CHST13: variants seen among roughly 807,000 people sequenced by gnomAD.
The protein encoded by CHST13 is C4ST-3.
Under a neutral mutation model 7.0 loss-of-function variants are expected in CHST13, and 1 was observed. The ratio of observed to expected loss-of-function variants is 0.14; its 90% confidence interval spans 0.05 to 0.68. CHST13 has a LOEUF of 0.68. Ranked by LOEUF, CHST13 falls within the 30% of genes least tolerant of loss-of-function variation. The pLI, the probability that CHST13 is intolerant of heterozygous loss-of-function variation, is 0.82. For missense variants in CHST13, 572 were observed against 507.9 expected (o/e 1.13, Z -1.21); for synonymous variants, 257 against 240.9 (o/e 1.07, Z -0.62).
intron 1 of CHST13, chr3:126,529,309 T>G: frequency 7.8e-7 from 1 of 1,288,036 alleles, no homozygotes; most frequent in South Asian, 1.2e-5. Flanking sequence ...CTTGAGCAGC[T>G]CTCTCTGCTC....
intron 1 of CHST13, 129 bp downstream of exon 1, chr3:126,524,558 C>A (rs986222462): frequency 3.3e-5 from 12 of 361,874 alleles, no homozygotes; most frequent in Non-Finnish European, 4.4e-5. Flanking sequence ...CTAGGGGTGG[C>A]GGGCAGGGGC....
chr3:126,541,551 C>T (rs1323646062), intron 2 of CHST13, among the ~76,000 whole-genome samples, 182 bp from the exon 3 acceptor site: 1 of 152,206 alleles, frequency 6.6e-6, no homozygotes, highest in Non-Finnish European at 1.5e-5. Flanking sequence ...AAATCTCGGC[C>T]CAGGACAGAT....
intron 1 of CHST13, among the ~76,000 whole-genome samples, chr3:126,532,155 T>C (rs1180268215): frequency 6.6e-6 from 1 of 152,250 alleles, no homozygotes; most frequent in Admixed American, 6.5e-5. Context: ...CCATACGTTG[T>C]GGGTACTAGT....
chr3:126,532,749 A>G (rs1936684164), intron 1 of CHST13, among the ~76,000 whole-genome samples: 1 of 152,188 alleles, frequency 6.6e-6, no homozygotes, highest in African/African-American at 2.4e-5. Context: ...GATATTCTGA[A>G]TCCCTTCACT....
intron 1 of CHST13, among the ~76,000 whole-genome samples, chr3:126,525,064 C>A (rs1462605846): frequency 1.3e-5 from 2 of 152,192 alleles, no homozygotes; most frequent in Non-Finnish European, 2.9e-5. Flanking sequence ...CTCCCATCAA[C>A]CCATTTCACA....
At chr3:126,538,336 C>T (rs780358455) in intron 2 of CHST13, among the ~76,000 whole-genome samples, 10 of 152,220 alleles carry the variant, frequency 6.6e-5, no homozygotes, top group Non-Finnish European at 1.2e-4. Context: ...CACAGGAGGG[C>T]ATCCCAGGCA....
chr3:126,538,002 A>G (rs894904590), intron 2 of CHST13, among the ~76,000 whole-genome samples: 5 of 152,316 alleles, frequency 3.3e-5, no homozygotes, highest in Middle Eastern at 3.4e-3. Flanking sequence ...CAGTGGACAT[A>G]GGTCCAGCTT....
intron 2 of CHST13, among the ~76,000 whole-genome samples, chr3:126,538,004 G>A (rs1260108433): frequency 6.6e-6 from 1 of 152,196 alleles, no homozygotes; most frequent in Non-Finnish European, 1.5e-5. Flanking sequence ...GTGGACATAG[G>A]TCCAGCTTTA....
chr3:126,524,798 G>A (rs1234382147), intron 1 of CHST13, among the ~76,000 whole-genome samples: 1 of 152,158 alleles, frequency 6.6e-6, no homozygotes, highest in Non-Finnish European at 1.5e-5. Flanking sequence ...GGACATGAGC[G>A]CTGCTGGGCG....
intron 1 of CHST13, 31 bp from the exon 2 acceptor site, chr3:126,536,239 TG>T: frequency 6.3e-7 from 1 of 1,597,114 alleles, no homozygotes; most frequent in Non-Finnish European, 8.6e-7. Flanking sequence ...CCCTCTGATA[TG>T]GTGGCGACAT....
chr3:126,529,795 C>T (rs1360939166), intron 1 of CHST13, among the ~76,000 whole-genome samples: 1 of 152,240 alleles, frequency 6.6e-6, no homozygotes. Context: ...TCCCCTGTCT[C>T]CCTAACCTCC....
At position 126,542,083 on chromosome 3, in the gene CHST13, C is replaced by T. The variant is rs1407925340; in HGVS notation, c.531C>T (p.Phe177=). The change falls in exon 3 of 3, where the codon TTC becomes TTT. Residue 177 remains phenylalanine, a synonymous_variant. Coordinates refer to ENST00000319340, the MANE Select transcript of CHST13 (RefSeq NM_152889.3). The part of the protein sequence containing the change: ...YLAFLFVREP[F]ERLASAYRNK... Reference sequence around the variant, plus strand: ...CCTTCCTGTTCGTGCGGGAGCCCTTCGAGCGCCTGGCATCGGCTTACCGCA... The same window carrying T: ...CCTTCCTGTTCGTGCGGGAGCCCTTTGAGCGCCTGGCATCGGCTTACCGCA... 2 of 1,584,172 alleles carry T rather than the reference C, an allele frequency of 1.3e-6. No individual in the cohort carries two copies. The highest frequency in any genetic ancestry group is 8.6e-7 in the Non-Finnish European group (1 of 1,169,524).
At chr3:126,539,598 C>G (rs1936883180) in intron 2 of CHST13, among the ~76,000 whole-genome samples, 1 of 141,584 alleles carries the variant, frequency 7.1e-6, no homozygotes, top group Non-Finnish European at 1.6e-5. Flanking sequence ...CACACACACC[C>G]CACACACTCC....
intron 2 of CHST13, among the ~76,000 whole-genome samples, chr3:126,537,210 G>A (rs891230088): frequency 2.6e-5 from 4 of 152,210 alleles, no homozygotes; most frequent in African/African-American, 4.8e-5. Context: ...TGAAGCTGAG[G>A]TGAAGAGCAA....
intron 1 of CHST13, among the ~76,000 whole-genome samples, chr3:126,530,180 G>A (rs1936624281): frequency 6.6e-6 from 1 of 152,244 alleles, no homozygotes; most frequent in South Asian, 2.1e-4. Flanking sequence ...AGGCTCCTCG[G>A]GGCAGGGTGG....
At chr3:126,538,924 A>G (rs527420852) in intron 2 of CHST13, among the ~76,000 whole-genome samples, 13 of 152,296 alleles carry the variant, frequency 8.5e-5, no homozygotes, top group African/African-American at 3.1e-4. Context: ...AAGGGTAGAC[A>G]CAGTGAAGAG....
chr3:126,539,824 ATACC>A (rs1936903318), intron 2 of CHST13, among the ~76,000 whole-genome samples: 1 of 80,600 alleles, frequency 1.2e-5, no homozygotes, highest in Non-Finnish European at 2.4e-5. Flanking sequence ...ACAAACACAC[ATACC>A]ACACACACAC....
In CHST13 at chr3:126,542,047, C is replaced by T. The variant is rs371981274; in HGVS notation, c.495C>T (p.Arg165=). 1.0e-5 allele frequency: 16 copies of T among 1,576,378 alleles called. No individual in the cohort carries two copies. In the Admixed American group the frequency reaches 1.2e-4, roughly 12 times the overall value. Residue 165 remains arginine (R), a synonymous_variant, in exon 3 of 3, where the codon CGC becomes CGT. Coordinates refer to ENST00000319340, the MANE Select transcript of CHST13 (RefSeq NM_152889.3). ...CCGCCGAGATCAACCGGCGCCTGCGCGCCTACTTGGCCTTCCTGTTCGTGC... is the reference window on the plus strand; with the variant it reads ...CCGCCGAGATCAACCGGCGCCTGCGTGCCTACTTGGCCTTCCTGTTCGTGC... ...FSPAEINRRL[R]AYLAFLFVRE...
intron 2 of CHST13, among the ~76,000 whole-genome samples, chr3:126,539,292 G>A (rs1553814253): frequency 4.6e-5 from 7 of 151,990 alleles, no homozygotes; most frequent in Non-Finnish European, 8.8e-5. Context: ...TTTGTGAAAC[G>A]TTTTTTATTT....
Sources: gnomAD v4.1 joint callset for allele counts (sites outside exome capture counted in the v4.1 genomes callset) on GRCh38, gnomAD v4.1.1 for gene constraint, MANE v1.5 for transcripts, NCBI Gene and HGNC (gene_info 2026-07-23, HGNC 2026-07-21) for gene names.